ARAP2: variants seen among roughly 807,000 people sequenced by gnomAD.
ARAP2 encodes ArfGAP with RhoGAP domain, ankyrin repeat and PH domain 2, also known as arf-GAP with Rho-GAP domain, ANK repeat and PH domain-containing protein 2.
ARAP2 carries 148 observed loss-of-function variants against 194.5 expected under a neutral mutation model. The ratio of observed to expected loss-of-function variants is 0.76; its 90% CI spans 0.67 to 0.87. The LOEUF (loss-of-function observed/expected upper bound fraction) is 0.87. ARAP2 is among the 40% of genes least tolerant of loss of function. ARAP2 has a pLI of 0.00. For synonymous variants in ARAP2, 695 were observed against 683.5 expected (o/e 1.02, Z -0.26); for missense variants, 2,128 against 1,989.7 (o/e 1.07, Z -1.32).
intron 4 of ARAP2, 67 bp from the exon 5 acceptor site, chr4:36,212,554 A>C: frequency 9.7e-7 from 1 of 1,031,562 alleles, no homozygotes; most frequent in South Asian, 1.4e-5. Flanking sequence ...ATTTGTTTGT[A>C]TGTGTAGCAA....
In ARAP2 at chr4:36,185,978, C is replaced by CAAAAAAA. The variant is rs1054588041; in HGVS notation, c.1678+1466_1678+1472dup. On this transcript the variant is annotated intron_variant, in intron 8 of 32. Transcript: ENST00000303965. ...GGGCAACAAGAGTGAAACTCTGTCT[C>CAAAAAAA]AAAAAAAAAAAAGGATAATAATTTT... is the stretch of plus-strand genomic sequence containing the variant. Among the ~76,000 whole-genome samples the CAAAAAAA allele has an allele frequency of 2.1e-3, 280 of 135,182 alleles. 1 individual carries two copies. The highest frequency in any genetic ancestry group is 5.5e-3 in the Admixed American group (74 of 13,424). 88.7% of individuals were successfully genotyped at this position (135,182 alleles called of 152,430 possible). A position where few individuals can be genotyped will look rare whatever the true frequency, so the allele number is the denominator to read the frequency against.
downstream of ARAP2, among the ~76,000 whole-genome samples, chr4:36,061,894 G>A (rs1724502159): frequency 6.6e-6 from 1 of 152,048 alleles, no homozygotes. Flanking sequence ...GCATTTTTCT[G>A]CCAACTTATG....
At chr4:36,183,978 C>T (rs1739907117) in intron 8 of ARAP2, among the ~76,000 whole-genome samples, 1 of 152,160 alleles carries the variant, frequency 6.6e-6, no homozygotes, top group Admixed American at 6.5e-5. Context: ...GACGCCAAAA[C>T]TTTCCCCTTT....
At chr4:36,054,596 T>C (rs1723194465) in intron 2 of ARAP2, among the ~76,000 whole-genome samples, 1 of 152,210 alleles carries the variant, frequency 6.6e-6, no homozygotes, top group African/African-American at 2.4e-5. Context: ...TATAAAATGA[T>C]GTCTATATAG....
intron 8 of ARAP2, among the ~76,000 whole-genome samples, chr4:36,185,561 T>C (rs768305136): frequency 3.9e-5 from 6 of 152,118 alleles, no homozygotes; most frequent in Non-Finnish European, 7.4e-5. Flanking sequence ...CTGCTTTTTA[T>C]GTGCTATGCA....
At chr4:36,174,872 T>C (rs546189421) in intron 9 of ARAP2, among the ~76,000 whole-genome samples, 4 of 152,274 alleles carry the variant, frequency 2.6e-5, no homozygotes, top group Admixed American at 2.0e-4. Context: ...GATTCCTCTT[T>C]AAAAAACTCT....
chr4:36,125,240 A>G (rs1577978905), intron 21 of ARAP2, among the ~76,000 whole-genome samples: 1 of 151,950 alleles, frequency 6.6e-6, no homozygotes, highest in Non-Finnish European at 1.5e-5. Flanking sequence ...AGGTGGGATT[A>G]TATTTTTTTA....
chr4:36,172,230 T>C (rs185144120), intron 9 of ARAP2, among the ~76,000 whole-genome samples: 3 of 152,354 alleles, frequency 2.0e-5, no homozygotes, highest in East Asian at 1.9e-4. Context: ...AATGACCATG[T>C]AGGCACTGCA....
rs771934285 is a variant in ARAP2 at position 36,229,406 on chromosome 4, G to A, written c.81C>T (p.Phe27=). 2.8e-5 allele frequency: 45 copies of A among 1,613,810 alleles called. No individual in the cohort carries two copies. Among genetic ancestry groups the A allele is most frequent in the Non-Finnish European group, 3.5e-5 (41 of 1,179,906 alleles). The change falls in exon 2 of 33, where the codon TTC becomes TTT. Residue 27 remains phenylalanine (F), a synonymous_variant. Coordinates refer to ENST00000303965, the MANE Select transcript of ARAP2 (RefSeq NM_015230.4). ...SINLEQYLLH[F]HESGFTTVKD... is the part of the protein sequence containing the mutation. ...TCACAGTAGTAAAACCAGACTCATG[G>A]AAATGTAAGAGATACTGCTCCAAAT... is the stretch of plus-strand genomic sequence containing the variant.
chr4:36,033,279 T>C (rs575300105), intron 5 of ARAP2, among the ~76,000 whole-genome samples: 2 of 152,216 alleles, frequency 1.3e-5, no homozygotes, highest in Non-Finnish European at 2.9e-5. Flanking sequence ...TAAACCACTT[T>C]ACACACCAAC....
At chr4:36,142,429 T>A (rs958588671) in intron 19 of ARAP2, among the ~76,000 whole-genome samples, 6 of 151,404 alleles carry the variant, frequency 4.0e-5, no homozygotes, top group Admixed American at 1.3e-4. Flanking sequence ...CCTATGAACC[T>A]CCCTCCAGAT....
At chr4:36,073,411 A>G (rs549648722) in intron 32 of ARAP2, among the ~76,000 whole-genome samples, 1 of 152,150 alleles carries the variant, frequency 6.6e-6, no homozygotes, top group African/African-American at 2.4e-5. Context: ...TTGTGATTTT[A>G]CCACCAGAAT....
chr4:36,169,370 A>G (rs1736031995), intron 9 of ARAP2, among the ~76,000 whole-genome samples: 1 of 152,136 alleles, frequency 6.6e-6, no homozygotes, highest in Non-Finnish European at 1.5e-5. Flanking sequence ...ACAACCTTTT[A>G]TGGAAACTGA....
chr4:36,056,675 T>C (rs890367400), intron 2 of ARAP2, among the ~76,000 whole-genome samples: 2 of 152,138 alleles, frequency 1.3e-5, no homozygotes, highest in African/African-American at 4.8e-5. Flanking sequence ...TTACTACTAT[T>C]GTTTTCAGTG....
chr4:36,049,867 A>G (rs1722387224), intron 3 of ARAP2, among the ~76,000 whole-genome samples: 1 of 150,538 alleles, frequency 6.6e-6, no homozygotes, highest in African/African-American at 2.5e-5. Flanking sequence ...AGTTTATCTT[A>G]AATTATTTTT....
chr4:36,056,729 C>T (rs968994678), intron 2 of ARAP2, among the ~76,000 whole-genome samples: 2 of 151,994 alleles, frequency 1.3e-5, no homozygotes, highest in African/African-American at 4.8e-5. Context: ...CTTTGAATTA[C>T]TAAAATATAT....
chr4:36,166,510 T>C (rs974116073), intron 10 of ARAP2, among the ~76,000 whole-genome samples: 1 of 152,054 alleles, frequency 6.6e-6, no homozygotes, highest in African/African-American at 2.4e-5. Flanking sequence ...GAGGAAATCA[T>C]ATGGAACAAA....
chr4:36,128,533 C>G lies in ARAP2; in HGVS notation c.3640G>C (p.Asp1214His), dbSNP rs1482892653. 3 of 1,537,548 alleles carry G rather than the reference C, an allele frequency of 2.0e-6. No homozygotes were observed. Among genetic ancestry groups the G allele is most frequent in the African/African-American group, 1.4e-5 (1 of 72,530 alleles). ...ELYPYWISAL[D>H]TQDDKERIKK... ...CTACAAATATCTGTATAAATATTAC[C>G]TAAAGCAGAGATCCAATATGGGTAG... is the stretch of plus-strand genomic sequence containing the variant. The change falls in exon 21 of 33, where the codon GAT (aspartate) becomes CAT (histidine). Residue 1214 changes from aspartate (D) to histidine (H), a missense_variant and splice_region_variant. Physicochemically the swap from Asp to His is moderately conservative, Grantham distance 81. Transcript: ENST00000303965.
At chr4:36,111,482 G>T (rs751123653) in intron 26 of ARAP2, among the ~76,000 whole-genome samples, 1 of 151,824 alleles carries the variant, frequency 6.6e-6, no homozygotes, top group Non-Finnish European at 1.5e-5. Context: ...TGCCAAATTT[G>T]AATTCTTAAC....
Sources: allele counts gnomAD v4.1 joint callset (sites outside exome capture counted in the v4.1 genomes callset), GRCh38; gene constraint gnomAD v4.1.1; transcripts MANE v1.5; gene names NCBI Gene and HGNC (gene_info 2026-07-23, HGNC 2026-07-21).